Variants in PTPRM observed in about 807,000 individuals in gnomAD.
PTPRM encodes the protein protein tyrosine phosphatase receptor type M.
A neutral mutation model predicts 186.7 loss-of-function variants in PTPRM; 47 were observed. That is an observed-to-expected ratio of 0.25 (90% confidence interval 0.20 to 0.32). The LOEUF is 0.32. Ranked by LOEUF, PTPRM falls within the 10% of genes least tolerant of loss-of-function variation. The probability of loss-of-function intolerance (pLI) is 1.00; values close to 1 mark genes in which losing one functional copy is unlikely to be tolerated. For missense variants in PTPRM, 1,494 were observed against 1,865.0 expected (o/e 0.80, Z 3.66); for synonymous variants, 668 against 674.9 (o/e 0.99, Z 0.16).
chr18:8,255,211 T>C (rs1312457469), intron 19 of PTPRM, among the ~76,000 whole-genome samples: 1 of 152,234 alleles, frequency 6.6e-6, no homozygotes, highest in East Asian at 1.9e-4. Context: ...AGGGATGATG[T>C]CTAGGTTCTA....
At chr18:7,708,471 G>T (rs2040143599) in intron 1 of PTPRM, among the ~76,000 whole-genome samples, 1 of 152,146 alleles carries the variant, frequency 6.6e-6, no homozygotes, top group African/African-American at 2.4e-5. Flanking sequence ...GGCTTGTGGT[G>T]TCCCCTCCTC....
At chr18:7,764,711 C>T (rs1174914206) in intron 1 of PTPRM, among the ~76,000 whole-genome samples, 2 of 152,152 alleles carry the variant, frequency 1.3e-5, no homozygotes, top group Non-Finnish European at 2.9e-5. Context: ...TCCAGGGACC[C>T]ACTTGGAAAA....
chr18:7,688,869 C>T (rs569542826), intron 1 of PTPRM, among the ~76,000 whole-genome samples: 6 of 152,282 alleles, frequency 3.9e-5, no homozygotes, highest in African/African-American at 1.4e-4. Flanking sequence ...AGACAGTGCT[C>T]CTGGTGGCTT....
chr18:7,722,680 A>G (rs1341660192), intron 1 of PTPRM, among the ~76,000 whole-genome samples: 2 of 152,156 alleles, frequency 1.3e-5, no homozygotes, highest in South Asian at 2.1e-4. Flanking sequence ...GAAAACTACC[A>G]TAAGCAAAAC....
At position 7,856,474 on chromosome 18, in the gene PTPRM, G is replaced by T. The variant is rs967906565; in HGVS notation, c.197-31632G>T. 1.2e-4 allele frequency among the ~76,000 whole-genome samples: 18 copies of T among 152,270 alleles called. No individual in the cohort carries two copies. The East Asian group carries it at 2.9e-3, about 25-fold the overall frequency. On this transcript the variant is annotated intron_variant, in intron 2 of 32. Transcript: ENST00000580170. Reference sequence around the variant, plus strand: ...AAAGGACAGCAGGCCGGGTGCCATGGCTCATGCCTATAATCCCAGCACGGA... The same window carrying T: ...AAAGGACAGCAGGCCGGGTGCCATGTCTCATGCCTATAATCCCAGCACGGA...
At chr18:7,650,214 A>G (rs550313670) in intron 1 of PTPRM, among the ~76,000 whole-genome samples, 2 of 152,096 alleles carry the variant, frequency 1.3e-5, no homozygotes, top group Admixed American at 1.3e-4. Flanking sequence ...TCATATCTTC[A>G]AGGGGCCCTG....
chr18:7,930,643 C>G (rs1028741350), intron 5 of PTPRM, among the ~76,000 whole-genome samples: 1 of 152,152 alleles, frequency 6.6e-6, no homozygotes, highest in Non-Finnish European at 1.5e-5. Context: ...TATGCACTTA[C>G]GCTTTGATAG....
chr18:7,883,337 A>G (rs541481226), intron 2 of PTPRM, among the ~76,000 whole-genome samples: 1 of 152,356 alleles, frequency 6.6e-6, no homozygotes, highest in Non-Finnish European at 1.5e-5. Flanking sequence ...GTGAAAATTA[A>G]ACATTCAGCC....
At chr18:7,661,162 T>A (rs554915820) in intron 1 of PTPRM, among the ~76,000 whole-genome samples, 8 of 152,350 alleles carry the variant, frequency 5.3e-5, no homozygotes, top group Admixed American at 3.9e-4. Flanking sequence ...CAGATTTTTT[T>A]AAAAGCTGTT....
At chr18:7,828,865 A>T (rs569348703) in intron 2 of PTPRM, among the ~76,000 whole-genome samples, 2 of 152,178 alleles carry the variant, frequency 1.3e-5, no homozygotes, top group Non-Finnish European at 2.9e-5. Flanking sequence ...TGAGCAAAAA[A>T]ATTTTAAAGA....
At chr18:8,348,242 G>T (rs2095515904) in intron 23 of PTPRM, among the ~76,000 whole-genome samples, 1 of 152,260 alleles carries the variant, frequency 6.6e-6, no homozygotes, top group South Asian at 2.1e-4. Context: ...CATTAAGGCA[G>T]AGCTGGGGAC....
intron 1 of PTPRM, among the ~76,000 whole-genome samples, chr18:7,687,600 G>A (rs114315735): frequency 0.011 from 1,608 of 152,084 alleles, 31 homozygotes; most frequent in African/African-American, 0.036. Flanking sequence ...TTTAAAATGC[G>A]TATTTAAACA....
In PTPRM at chr18:8,326,199, G is replaced by T. The variant is rs150127550; in HGVS notation, c.2956+6985G>T. 4.7e-3 allele frequency among the ~76,000 whole-genome samples: 722 copies of T among 152,156 alleles called. 2 individuals are homozygous for T. The highest frequency in any genetic ancestry group is 0.016 in the African/African-American group (676 of 41,512). ...AATTAGGTCTGATTTGTCAATTTTT[G>T]TATTTGTTGCAATTGCTTTTGACAT... On this transcript the variant is annotated intron_variant, in intron 22 of 32. Transcript: ENST00000580170.
At chr18:7,998,628 C>T (rs1487680090) in intron 7 of PTPRM, among the ~76,000 whole-genome samples, 2 of 152,050 alleles carry the variant, frequency 1.3e-5, no homozygotes, top group Admixed American at 6.6e-5. Flanking sequence ...ACAAATATGG[C>T]AGGCTCCCCA....
At chr18:8,371,513 C>T (rs1314451129) in intron 24 of PTPRM, among the ~76,000 whole-genome samples, 1 of 152,160 alleles carries the variant, frequency 6.6e-6, no homozygotes, top group African/African-American at 2.4e-5. Flanking sequence ...GTGGAAGTGA[C>T]CTACCTGGAA....
At chr18:8,188,990 T>G (rs548486892) in intron 14 of PTPRM, among the ~76,000 whole-genome samples, 2 of 152,318 alleles carry the variant, frequency 1.3e-5, no homozygotes, top group East Asian at 3.9e-4. Flanking sequence ...TAAATTATTT[T>G]TGTATGTTTT....
intron 22 of PTPRM, among the ~76,000 whole-genome samples, chr18:8,338,550 C>G (rs933180851): frequency 1.1e-4 from 16 of 152,216 alleles, no homozygotes; most frequent in Admixed American, 3.3e-4. Flanking sequence ...ACTTCTGGTT[C>G]AAAACTCAGC....
intron 1 of PTPRM, among the ~76,000 whole-genome samples, chr18:7,578,150 TATGATG>T (rs1216704176): frequency 1.3e-5 from 2 of 151,552 alleles, no homozygotes; most frequent in South Asian, 2.1e-4. Context: ...TGATGATGAT[TATGATG>T]ATGATGATGA....
At chr18:7,838,110 G>C (rs2145803645) in intron 2 of PTPRM, among the ~76,000 whole-genome samples, 1 of 152,266 alleles carries the variant, frequency 6.6e-6, no homozygotes, top group South Asian at 2.1e-4. Context: ...TTATAAAGAG[G>C]TTTCATTGAC....
Sources: allele counts gnomAD v4.1 joint callset (sites outside exome capture counted in the v4.1 genomes callset), GRCh38; gene constraint gnomAD v4.1.1; transcripts MANE v1.5; gene names NCBI Gene and HGNC (gene_info 2026-07-23, HGNC 2026-07-21).